The following SLC44A5 variants were observed in gnomAD, a reference collection of about 807,000 sequenced individuals.
The protein encoded by SLC44A5 is solute carrier family 44 member 5.
Under a neutral mutation model 101.8 loss-of-function variants are expected in SLC44A5, and 57 were observed. The ratio of observed to expected loss-of-function variants is 0.56; its 90% confidence interval spans 0.45 to 0.70. SLC44A5 has a LOEUF of 0.70. SLC44A5 is among the 30% of genes least tolerant of loss of function. The pLI is 0.00. For missense variants in SLC44A5, 737 were observed against 853.1 expected (o/e 0.86, Z 1.70); for synonymous variants, 281 against 290.9 (o/e 0.97, Z 0.35).
At chr1:75,659,284 CCAAA>C in the SLC44A5 span, among the ~76,000 whole-genome samples, 37,541 of 123,488 alleles carry the variant, frequency 0.3, 5,981 homozygotes, top group East Asian at 0.69. Flanking sequence ...CATATCAAAA[CCAAA>C]CAAAGATTTT....
intron 3 of SLC44A5, among the ~76,000 whole-genome samples, chr1:75,388,117 C>T (rs1661509168): frequency 2.2e-5 from 3 of 136,188 alleles, no homozygotes; most frequent in South Asian, 2.5e-4. Flanking sequence ...TGCTAGATGA[C>T]GAGTTAGTGG....
intron 3 of SLC44A5, among the ~76,000 whole-genome samples, chr1:75,388,066 T>TG (rs1661504175): frequency 1.3e-5 from 1 of 77,344 alleles, no homozygotes; most frequent in East Asian, 4.1e-4. Flanking sequence ...TGTTGTGGGG[T>TG]GGGGGGAGGG....
chr1:75,522,951 T>C (rs574803794), intron 2 of SLC44A5, among the ~76,000 whole-genome samples: 2 of 152,306 alleles, frequency 1.3e-5, no homozygotes, highest in African/African-American at 4.8e-5. Flanking sequence ...CCCTTAGAGT[T>C]CTGCAAAGAC....
At chr1:75,432,505 T>G (rs150093006) in intron 2 of SLC44A5, among the ~76,000 whole-genome samples, 3 of 152,286 alleles carry the variant, frequency 2.0e-5, no homozygotes, top group African/African-American at 7.2e-5. Flanking sequence ...TCATTATACA[T>G]TCAGAGGCTG....
intron 4 of SLC44A5, among the ~76,000 whole-genome samples, chr1:75,332,701 A>G (rs1570699602): frequency 6.6e-6 from 1 of 152,168 alleles, no homozygotes; most frequent in African/African-American, 2.4e-5. Flanking sequence ...CATTCATATA[A>G]AGAAGTTGGA....
chr1:75,369,744 A>G (rs1359408016), intron 3 of SLC44A5, among the ~76,000 whole-genome samples: 1 of 152,176 alleles, frequency 6.6e-6, no homozygotes, highest in East Asian at 1.9e-4. Flanking sequence ...CATTTCTTCA[A>G]TATAAAAATA....
At position 75,203,489 on chromosome 1, in the gene SLC44A5, G is replaced by A. The variant is rs929138799; in HGVS notation, c.*238C>T. 1.8e-5 allele frequency: 6 copies of A among 326,906 alleles called. No individual in the cohort carries two copies. Among genetic ancestry groups the A allele is most frequent in the Admixed American group, 1.5e-4 (3 of 20,356 alleles). The allele number at this position is 326,906 out of a possible 1,614,324, so 20.3% of individuals were successfully genotyped here. ...AACATCCAAGCCACTCTTTAAAAAC[G>A]AATTACAAAACAAATGATCTTAGTA... is the stretch of plus-strand genomic sequence containing the variant. On this transcript the variant is annotated 3_prime_UTR_variant, in exon 24 of 24. Transcript: ENST00000370859.
chr1:75,372,881 T>C (rs1660322926), intron 3 of SLC44A5, among the ~76,000 whole-genome samples: 1 of 152,168 alleles, frequency 6.6e-6, no homozygotes, highest in South Asian at 2.1e-4. Flanking sequence ...TGTTTTTAAA[T>C]TGACATTCAG....
chr1:75,682,056 A>G, the SLC44A5 span, among the ~76,000 whole-genome samples: 2 of 152,228 alleles, frequency 1.3e-5, no homozygotes, highest in Admixed American at 1.3e-4. Flanking sequence ...AAGGATGTGA[A>G]GGACCTCTTC....
the SLC44A5 span, among the ~76,000 whole-genome samples, chr1:75,617,989 T>C: frequency 6.6e-6 from 1 of 152,232 alleles, no homozygotes; most frequent in Non-Finnish European, 1.5e-5. Context: ...TTCTAGGTTT[T>C]ACAGACGGTG....
chr1:75,228,074 A>G (rs1647263864), intron 12 of SLC44A5, among the ~76,000 whole-genome samples: 1 of 152,222 alleles, frequency 6.6e-6, no homozygotes, highest in Admixed American at 6.5e-5. Context: ...CTTGATAATT[A>G]TGGCAACATC....
intron 1 of SLC44A5, among the ~76,000 whole-genome samples, chr1:75,548,585 A>C (rs766302520): frequency 1.3e-5 from 2 of 152,122 alleles, no homozygotes; most frequent in Non-Finnish European, 2.9e-5. Flanking sequence ...CATTCTGTCT[A>C]AAAGGGGCTA....
At chr1:75,663,907 C>T in the SLC44A5 span, among the ~76,000 whole-genome samples, 5 of 152,076 alleles carry the variant, frequency 3.3e-5, no homozygotes, top group South Asian at 2.1e-4. Flanking sequence ...CAAAAACCCT[C>T]GACAAAATAC....
intron 2 of SLC44A5, among the ~76,000 whole-genome samples, chr1:75,414,322 C>CAT (rs1396378147): frequency 8.2e-6 from 1 of 121,712 alleles, no homozygotes; most frequent in Admixed American, 8.1e-5. Context: ...TACATATCCA[C>CAT]ATACACACAC....
In SLC44A5 at chr1:75,570,384, A is replaced by C. The variant is rs1673010268; in HGVS notation, c.-69-28868T>G. On this transcript the variant is annotated intron_variant, in intron 1 of 23. Coordinates refer to ENST00000370859, the MANE Select transcript of SLC44A5 (RefSeq NM_001130058.2). The stretch of plus-strand genomic sequence containing the variant: ...CGAAACACAGAAATACACAGAAGAA[A>C]TCAAAATACACAAAGAGAAAGGCTA... 5.3e-5 allele frequency among the ~76,000 whole-genome samples: 8 copies of C among 152,352 alleles called. No individual in the cohort carries two copies. The South Asian group carries it at 1.4e-3, about 28-fold the overall frequency.
intron 2 of SLC44A5, among the ~76,000 whole-genome samples, chr1:75,496,040 C>T (rs901620487): frequency 1.4e-4 from 22 of 151,846 alleles, no homozygotes; most frequent in Non-Finnish European, 2.4e-4. Flanking sequence ...TACTAGATCT[C>T]ATTCATCCTT....
intron 2 of SLC44A5, among the ~76,000 whole-genome samples, chr1:75,483,901 A>C (rs917389423): frequency 1.3e-5 from 2 of 152,188 alleles, no homozygotes; most frequent in Non-Finnish European, 2.9e-5. Context: ...GGAGAGATAA[A>C]GGGAGAGTGA....
intron 4 of SLC44A5, 73 bp from the exon 5 acceptor site, chr1:75,300,758 GAAGA>G (rs760075100): frequency 1.3e-5 from 13 of 963,422 alleles, no homozygotes; most frequent in Admixed American, 8.2e-5. Context: ...CAAAATGAAG[GAAGA>G]GAGAAAAAGA....
chr1:75,491,735 A>G (rs571843367), intron 2 of SLC44A5, among the ~76,000 whole-genome samples: 14 of 150,036 alleles, frequency 9.3e-5, no homozygotes, highest in African/African-American at 2.5e-4. Flanking sequence ...ACGCACGCAC[A>G]CACACACACA....
Sources: allele counts gnomAD v4.1 joint callset (sites outside exome capture counted in the v4.1 genomes callset), GRCh38; gene constraint gnomAD v4.1.1; transcripts MANE v1.5; gene names NCBI Gene and HGNC (gene_info 2026-07-23, HGNC 2026-07-21).